The following TMC1 variants were observed in gnomAD, a reference collection of about 807,000 sequenced individuals.
TMC1 encodes the protein transmembrane channel-like protein 1.
TMC1 carries 84 observed loss-of-function variants against 105.8 expected under a neutral mutation model. The ratio of observed to expected loss-of-function variants is 0.79; its 90% CI spans 0.67 to 0.95. The LOEUF is 0.95. Among genes scored for constraint, TMC1 ranks in the 40% least tolerant of loss-of-function variants. The pLI is 0.00. For synonymous variants in TMC1, 315 were observed against 311.5 expected (o/e 1.01, Z -0.12); for missense variants, 817 against 914.1 (o/e 0.89, Z 1.37).
intron 3 of TMC1, among the ~76,000 whole-genome samples, chr9:72,625,644 C>T (rs555958634): frequency 2.7e-5 from 4 of 148,078 alleles, no homozygotes; most frequent in Non-Finnish European, 4.4e-5. Flanking sequence ...GCTGAGATCG[C>T]GCCACTGTGC....
chr9:72,722,440 A>G (rs1054539074), intron 8 of TMC1, among the ~76,000 whole-genome samples: 6 of 152,214 alleles, frequency 3.9e-5, no homozygotes, highest in Non-Finnish European at 7.4e-5. Flanking sequence ...CTCCCGTTTG[A>G]GCCTCTTTCT....
chr9:72,553,895 G>A lies in TMC1; in HGVS notation c.-427-24007G>A, dbSNP rs972464588. ...TGCCTAAGTACTGGCGTCTCCCTAC[G>A]ACTATTATATCTGAAAACACATTCA... is the stretch of plus-strand genomic sequence containing the variant. On this transcript the variant is annotated intron_variant, in intron 1 of 23. Transcript: ENST00000297784. Among the ~76,000 whole-genome samples the A allele has an allele frequency of 1.3e-3, 196 of 152,170 alleles. 2 individuals carry two copies. The highest frequency in any genetic ancestry group is 5.4e-4 in the Non-Finnish European group (37 of 68,010).
intron 8 of TMC1, among the ~76,000 whole-genome samples, chr9:72,701,719 C>G (rs1564500702): frequency 6.6e-6 from 1 of 152,136 alleles, no homozygotes; most frequent in Non-Finnish European, 1.5e-5. Context: ...CGCTTAATCT[C>G]CTGAAGCCTT....
At chr9:72,628,711 A>C (rs1825395811) in intron 4 of TMC1, among the ~76,000 whole-genome samples, 1 of 152,262 alleles carries the variant, frequency 6.6e-6, no homozygotes, top group East Asian at 1.9e-4. Flanking sequence ...TACTTCAAGC[A>C]AAATTAATGA....
chr9:72,526,358 A>G (rs1254152583), intron 1 of TMC1, among the ~76,000 whole-genome samples: 1 of 152,200 alleles, frequency 6.6e-6, no homozygotes, highest in African/African-American at 2.4e-5. Flanking sequence ...GTGTAGGACA[A>G]TGGAGAACAC....
At chr9:72,547,079 G>T (rs1385792389) in intron 1 of TMC1, among the ~76,000 whole-genome samples, 2 of 152,088 alleles carry the variant, frequency 1.3e-5, no homozygotes, top group African/African-American at 4.8e-5. Context: ...CTGAGGTCAG[G>T]AGTTTGAGAC....
intron 1 of TMC1, among the ~76,000 whole-genome samples, chr9:72,556,521 T>C (rs529714030): frequency 1.3e-5 from 2 of 151,568 alleles, no homozygotes; most frequent in Non-Finnish European, 2.9e-5. Context: ...GCATACTCTC[T>C]AAAACATTGG....
chr9:72,835,211 T>C (rs1040867247), intron 23 of TMC1, among the ~76,000 whole-genome samples: 3 of 152,178 alleles, frequency 2.0e-5, no homozygotes, highest in Non-Finnish European at 4.4e-5. Flanking sequence ...ATTCAATGTA[T>C]TTACCTCCGC....
At chr9:72,599,666 C>T (rs986861095) in intron 2 of TMC1, among the ~76,000 whole-genome samples, 1 of 151,780 alleles carries the variant, frequency 6.6e-6, no homozygotes, top group Non-Finnish European at 1.5e-5. Flanking sequence ...AAAAATTAGC[C>T]AGCCGTAGAG....
At chr9:72,657,168 C>T (rs1825897030) in intron 5 of TMC1, among the ~76,000 whole-genome samples, 1 of 152,202 alleles carries the variant, frequency 6.6e-6, no homozygotes, top group African/African-American at 2.4e-5. Context: ...GTGTGAAACT[C>T]CCTGAAATCA....
chr9:72,565,771 G>A (rs569504014), intron 1 of TMC1, among the ~76,000 whole-genome samples: 18 of 152,324 alleles, frequency 1.2e-4, no homozygotes, highest in Middle Eastern at 3.4e-3. Context: ...AGGCAAGAGC[G>A]TGTGTGCAGG....
chr9:72,817,419 G>A (rs1033493118), intron 19 of TMC1: 5 of 152,116 alleles, frequency 3.3e-5, no homozygotes, highest in Non-Finnish European at 5.9e-5. Context: ...AAGGTGGCCC[G>A]AGGAACGTCT....
chr9:72,613,073 AATT>A (rs1156389498), intron 2 of TMC1, among the ~76,000 whole-genome samples: 1 of 151,508 alleles, frequency 6.6e-6, no homozygotes, highest in Non-Finnish European at 1.5e-5. Flanking sequence ...CTTATTTTTT[AATT>A]ATTTTATGAT....
At chr9:72,727,834 T>G (rs1827147441) in intron 8 of TMC1, among the ~76,000 whole-genome samples, 1 of 152,078 alleles carries the variant, frequency 6.6e-6, no homozygotes, top group African/African-American at 2.4e-5. Flanking sequence ...GTATTAGTGT[T>G]GCTAATAACA....
chr9:72,583,246 C>A (rs1375663569), intron 2 of TMC1, among the ~76,000 whole-genome samples: 1 of 151,724 alleles, frequency 6.6e-6, no homozygotes, highest in Admixed American at 6.6e-5. Flanking sequence ...AAAACAAAAA[C>A]AACCCCTTCC....
At chr9:72,666,386 C>A (rs1196450831) in intron 5 of TMC1, among the ~76,000 whole-genome samples, 1 of 152,164 alleles carries the variant, frequency 6.6e-6, no homozygotes, top group African/African-American at 2.4e-5. Context: ...TGGTTCTAAT[C>A]TAGCCTGGCA....
chr9:72,606,992 T>TAGAGAGAG (rs1391567236), intron 2 of TMC1, among the ~76,000 whole-genome samples: 1 of 93,034 alleles, frequency 1.1e-5, no homozygotes, highest in Non-Finnish European at 2.4e-5. Context: ...CATATATATA[T>TAGAGAGAG]ATATATATAT....
At chr9:72,641,277 A>G (rs1202102801) in intron 4 of TMC1, among the ~76,000 whole-genome samples, 1 of 152,022 alleles carries the variant, frequency 6.6e-6, no homozygotes, top group East Asian at 2.0e-4. Context: ...TATTTTTAGT[A>G]GAGATGGTGC....
chr9:72,530,512 C>G (rs148129930), intron 1 of TMC1, among the ~76,000 whole-genome samples: 1,698 of 151,956 alleles, frequency 0.011, 24 homozygotes, highest in African/African-American at 0.039. Flanking sequence ...ATCGCTTGAA[C>G]CCGGGAGGTG....
Sources: allele counts gnomAD v4.1 joint callset (sites outside exome capture counted in the v4.1 genomes callset), GRCh38; gene constraint gnomAD v4.1.1; transcripts MANE v1.5; gene names NCBI Gene and HGNC (gene_info 2026-07-23, HGNC 2026-07-21).